ITSN1: variants seen among roughly 807,000 people sequenced by gnomAD.
ITSN1 encodes the protein intersectin 1.
ITSN1 carries 58 observed loss-of-function variants against 239.8 expected under a neutral mutation model. That is an observed-to-expected ratio of 0.24 (90% CI 0.20 to 0.30). The LOEUF is 0.30. ITSN1 is among the 10% of genes least tolerant of loss of function. The probability of loss-of-function intolerance (pLI) is 1.00; values close to 1 mark genes in which losing one functional copy is unlikely to be tolerated. For missense variants in ITSN1, 1,558 were observed against 2,103.3 expected (o/e 0.74, Z 5.07); for synonymous variants, 780 against 770.8 (o/e 1.01, Z -0.20).
chr21:33,723,513 C>T (rs1487338203), intron 4 of ITSN1, among the ~76,000 whole-genome samples: 3 of 152,040 alleles, frequency 2.0e-5, no homozygotes, highest in Non-Finnish European at 4.4e-5. Context: ...ACTCGGGAGG[C>T]TGAGGCAGGA....
intron 1 of ITSN1, among the ~76,000 whole-genome samples, chr21:33,643,215 G>T (rs1430405937): frequency 6.6e-6 from 1 of 151,792 alleles, no homozygotes; most frequent in Non-Finnish European, 1.5e-5. Context: ...CCCCTCGCTC[G>T]CAAGCCTGCA....
In ITSN1 at chr21:33,899,288, GA is replaced by G. The variant is rs1986963066; in HGVS notation, c.*10989del. On this transcript the variant is annotated 3_prime_UTR_variant, in exon 40 of 40. Coordinates refer to ENST00000381318, the MANE Select transcript of ITSN1 (RefSeq NM_003024.3). ...AAAAGAATGTAATCCATCAGAACGT[GA>G]GCTCCTTGTGCTTCCAGTGACAAGC... The G allele has an allele frequency of 2.0e-5, 3 of 152,342 alleles. No individual in the cohort carries two copies. In the South Asian group the frequency reaches 6.2e-4, roughly 32 times the overall value. The allele number at this position is 152,342 out of a possible 1,614,324, so 9.4% of individuals were successfully genotyped here. A position where few individuals can be genotyped will look rare whatever the true frequency, so the allele number is the denominator to read the frequency against.
chr21:33,850,018 G>C (rs2075108720), intron 29 of ITSN1, among the ~76,000 whole-genome samples: 1 of 152,154 alleles, frequency 6.6e-6, no homozygotes, highest in South Asian at 2.1e-4. Flanking sequence ...CTACCACAGA[G>C]GATGTAAAGC....
intron 1 of ITSN1, among the ~76,000 whole-genome samples, chr21:33,698,288 G>T (rs1269364394): frequency 3.3e-5 from 5 of 152,122 alleles, no homozygotes; most frequent in Non-Finnish European, 7.4e-5. Context: ...ACCTGACAGT[G>T]ATTGCTGGAC....
At chr21:33,837,388 G>C (rs988993142) in intron 29 of ITSN1, 1 of 990,264 alleles carries the variant, frequency 1.0e-6, no homozygotes, top group Non-Finnish European at 1.2e-6. Flanking sequence ...TTGCTATTTT[G>C]GTTTTGCAAA....
chr21:33,876,384 C>G (rs1055692885), intron 34 of ITSN1, among the ~76,000 whole-genome samples: 1 of 150,352 alleles, frequency 6.7e-6, no homozygotes, highest in Non-Finnish European at 1.5e-5. Context: ...TTTCTTTCAA[C>G]AGGATCTTGC....
chr21:33,818,865 T>A (rs2073461896), intron 23 of ITSN1, among the ~76,000 whole-genome samples: 1 of 152,240 alleles, frequency 6.6e-6, no homozygotes, highest in South Asian at 2.1e-4. Context: ...TCTTTTTCAT[T>A]AGGGTCTTAT....
In ITSN1 at chr21:33,772,210, C is replaced by T. The variant is rs772469526; in HGVS notation, c.1192C>T (p.Arg398Cys). Residue 398 changes from arginine to cysteine, a missense_variant, in exon 12 of 40, where the codon CGC (arginine) becomes TGC (cysteine). Physicochemically the swap from Arg to Cys is radical, Grantham distance 180 (BLOSUM62 -3). Transcript: ENST00000381318. ...RAEQERKERE[R>C]QEQERKRQLE... Reference sequence around the variant, plus strand: ...GGAGCAGGAGAGGAAGGAGCGTGAGCGCCAGGAGCAAGAGCGCAAAAGACA... The same window carrying T: ...GGAGCAGGAGAGGAAGGAGCGTGAGTGCCAGGAGCAAGAGCGCAAAAGACA... 6.8e-6 allele frequency: 11 copies of T among 1,613,250 alleles called. No individual in the cohort carries two copies. The highest frequency in any genetic ancestry group is 4.5e-5 in the East Asian group (2 of 44,866).
At chr21:33,645,058 C>T (rs2087811059) in intron 1 of ITSN1, among the ~76,000 whole-genome samples, 1 of 152,094 alleles carries the variant, frequency 6.6e-6, no homozygotes. Flanking sequence ...CTACCTTAAA[C>T]GATTCTCCCA....
intron 27 of ITSN1, among the ~76,000 whole-genome samples, chr21:33,830,588 G>A (rs1032586056): frequency 6.6e-6 from 1 of 152,096 alleles, no homozygotes; most frequent in Non-Finnish European, 1.5e-5. Context: ...AAAACCTGTC[G>A]AAAGGGGGCT....
chr21:33,728,900 A>G (rs868126240), intron 4 of ITSN1, among the ~76,000 whole-genome samples: 1 of 152,032 alleles, frequency 6.6e-6, no homozygotes, highest in South Asian at 2.1e-4. Context: ...CTGCCCCATA[A>G]TTGGTTTTTG....
intron 19 of ITSN1, 133 bp downstream of exon 19, chr21:33,800,062 G>A (rs2071861305): frequency 8.5e-6 from 7 of 822,374 alleles, no homozygotes; most frequent in Non-Finnish European, 1.2e-5. Context: ...GATTTTTAAA[G>A]TATAAGCTCA....
intron 38 of ITSN1, 112 bp downstream of exon 38, chr21:33,885,634 C>T: frequency 1.2e-6 from 1 of 802,904 alleles, no homozygotes; most frequent in Non-Finnish European, 2.1e-6. Flanking sequence ...ACTCCCTGAT[C>T]TCCTTCCAGA....
At chr21:33,874,201 A>C (rs78441816) in intron 33 of ITSN1, among the ~76,000 whole-genome samples, 7,881 of 150,304 alleles carry the variant, frequency 0.052, 326 homozygotes, top group African/African-American at 0.12. Flanking sequence ...AACCAACCCA[A>C]ATCATGGGTG....
In ITSN1 at chr21:33,767,706, A is replaced by T; in HGVS notation, c.927-7A>T. ...GAATCTATTTTTCTTTTTCCCCGCAATTGCAGAAGAGTTCGATCTGGCAGT... is the reference window on the plus strand; with the variant it reads ...GAATCTATTTTTCTTTTTCCCCGCATTTGCAGAAGAGTTCGATCTGGCAGT... On this transcript the variant is annotated splice_polypyrimidine_tract_variant and splice_region_variant and intron_variant, in intron 10 of 39. Coordinates refer to ENST00000381318, the MANE Select transcript of ITSN1 (RefSeq NM_003024.3). 1 of 1,555,830 alleles carries T rather than the reference A, an allele frequency of 6.4e-7. No homozygotes were observed. Among genetic ancestry groups the T allele is most frequent in the Non-Finnish European group, 8.8e-7 (1 of 1,135,492 alleles).
At chr21:33,815,104 G>C (rs1167279120) in intron 22 of ITSN1, among the ~76,000 whole-genome samples, 1 of 152,316 alleles carries the variant, frequency 6.6e-6, no homozygotes, top group South Asian at 2.1e-4. Flanking sequence ...GACCCTGTCT[G>C]GCAGGCTGTC....
At chr21:33,741,039 A>T (rs2066818063) in intron 5 of ITSN1, among the ~76,000 whole-genome samples, 1 of 152,240 alleles carries the variant, frequency 6.6e-6, no homozygotes, top group Non-Finnish European at 1.5e-5. Flanking sequence ...CTGATGATTA[A>T]ACAGTATTTT....
rs983490845 is a variant in ITSN1 at position 33,645,670 on chromosome 21, A to G, written c.-33+2957A>G. On this transcript the variant is annotated intron_variant, in intron 1 of 39. Coordinates refer to ENST00000381318, the MANE Select transcript of ITSN1 (RefSeq NM_003024.3). ...CTGTGTCCAAAAAGTAAGTAAGTAA[A>G]TAAATACATAAAAATAAATACGGGT... is the stretch of plus-strand genomic sequence containing the variant. Among the ~76,000 whole-genome samples the G allele has an allele frequency of 7.9e-5, 12 of 152,272 alleles. No individual in the cohort carries two copies. The East Asian group carries it at 1.2e-3, about 15-fold the overall frequency.
At chr21:33,715,237 A>G (rs2029997665) in intron 1 of ITSN1, among the ~76,000 whole-genome samples, 1 of 141,068 alleles carries the variant, frequency 7.1e-6, no homozygotes, top group Admixed American at 7.5e-5. Context: ...GTAAGGCTAA[A>G]TTCTTTATTT....
Sources: allele counts gnomAD v4.1 joint callset (sites outside exome capture counted in the v4.1 genomes callset), GRCh38; gene constraint gnomAD v4.1.1; transcripts MANE v1.5; gene names NCBI Gene and HGNC (gene_info 2026-07-23, HGNC 2026-07-21).